CWC27: variants seen among roughly 807,000 people sequenced by gnomAD.
CWC27 encodes CWC27 spliceosome associated cyclophilin.
In CWC27, 47 loss-of-function variants were observed where a neutral mutation model predicts 63.6. That is an observed-to-expected ratio of 0.74 (90% CI 0.58 to 0.94). The LOEUF (loss-of-function observed/expected upper bound fraction) is 0.94. Ranked by LOEUF, CWC27 falls within the 40% of genes least tolerant of loss-of-function variation. The probability of loss-of-function intolerance (pLI) is 0.00; values close to 1 mark genes in which losing one functional copy is unlikely to be tolerated. For synonymous variants in CWC27, 175 were observed against 179.8 expected (o/e 0.97, Z 0.22); for missense variants, 495 against 554.3 (o/e 0.89, Z 1.07).
At chr5:64,939,808 C>G (rs1748434060) in intron 11 of CWC27, among the ~76,000 whole-genome samples, 1 of 147,316 alleles carries the variant, frequency 6.8e-6, no homozygotes, top group Non-Finnish European at 1.5e-5. Flanking sequence ...TTCAGAGATG[C>G]CTTGCCCAGA....
chr5:64,918,667 A>G (rs1747937787), intron 11 of CWC27, among the ~76,000 whole-genome samples: 1 of 152,226 alleles, frequency 6.6e-6, no homozygotes, highest in Non-Finnish European at 1.5e-5. Flanking sequence ...AAATTAAAAT[A>G]AGACCAGTTG....
At chr5:64,911,061 G>A (rs1747776486) in intron 11 of CWC27, among the ~76,000 whole-genome samples, 1 of 152,166 alleles carries the variant, frequency 6.6e-6, no homozygotes, top group Admixed American at 6.5e-5. Flanking sequence ...GCAGACCAGA[G>A]CTGTTCCTAT....
chr5:64,809,814 T>TA (rs1377847199), intron 10 of CWC27, among the ~76,000 whole-genome samples: 1 of 152,230 alleles, frequency 6.6e-6, no homozygotes, highest in Non-Finnish European at 1.5e-5. Flanking sequence ...ATCAGATGTA[T>TA]GATTTGCGAA....
At chr5:64,808,993 G>A (rs1438706838) in intron 10 of CWC27, among the ~76,000 whole-genome samples, 1 of 151,972 alleles carries the variant, frequency 6.6e-6, no homozygotes, top group African/African-American at 2.4e-5. Flanking sequence ...TAAGTATACA[G>A]CTAGCTGAAT....
At chr5:64,921,289 T>C in intron 11 of CWC27, among the ~76,000 whole-genome samples, 1 of 152,208 alleles carries the variant, frequency 6.6e-6, no homozygotes, top group Admixed American at 6.5e-5. Context: ...CTCTGTGATC[T>C]GAGAGTGTAG....
intron 11 of CWC27, among the ~76,000 whole-genome samples, chr5:64,903,179 A>G (rs1747546422): frequency 6.6e-6 from 1 of 152,200 alleles, no homozygotes; most frequent in South Asian, 2.1e-4. Context: ...TACGGGGTAT[A>G]TACCCAAAGG....
chr5:65,014,620 A>G (rs1056482114), intron 13 of CWC27, among the ~76,000 whole-genome samples: 16 of 152,114 alleles, frequency 1.1e-4, no homozygotes, highest in African/African-American at 3.4e-4. Context: ...TGGGACATAC[A>G]TGATTGTAAA....
chr5:64,933,597 ATTC>A, intron 11 of CWC27, among the ~76,000 whole-genome samples: 1 of 149,128 alleles, frequency 6.7e-6, no homozygotes, highest in Non-Finnish European at 1.5e-5. Context: ...GGTTCAAGCT[ATTC>A]TTCTGCCTCA....
intron 13 of CWC27, among the ~76,000 whole-genome samples, chr5:64,996,373 A>T (rs1337764060): frequency 6.6e-6 from 1 of 152,154 alleles, no homozygotes; most frequent in Non-Finnish European, 1.5e-5. Flanking sequence ...ATCAAGTTAA[A>T]TGTAATAGTA....
At chr5:64,888,481 A>G (rs1025310890) in intron 11 of CWC27, among the ~76,000 whole-genome samples, 7 of 147,268 alleles carry the variant, frequency 4.8e-5, no homozygotes, top group African/African-American at 1.7e-4. Context: ...TATATAATTT[A>G]CATTTAAATA....
intron 11 of CWC27, among the ~76,000 whole-genome samples, chr5:64,902,344 C>T (rs1158815959): frequency 6.6e-6 from 1 of 152,160 alleles, no homozygotes; most frequent in East Asian, 1.9e-4. Context: ...TCTTATGACA[C>T]CACCTTTGTG....
chr5:64,807,661 A>G (rs1334874039), intron 10 of CWC27: 13 of 1,535,864 alleles, frequency 8.5e-6, no homozygotes, highest in African/African-American at 2.7e-5. Flanking sequence ...ACACAGGCAT[A>G]TACAAGCTGG....
chr5:64,938,952 CCAT>C lies in CWC27; in HGVS notation c.1043-32748_1043-32746del, dbSNP rs202137030. On this transcript the variant is annotated intron_variant, in intron 11 of 13. Transcript: ENST00000381070. ...AGTTCTCGTGATGTGTTTTTCAGCT[CCAT>C]CAGGTCATTTAATGTCTTCTCTACA... is the stretch of plus-strand genomic sequence containing the variant. Among the ~76,000 whole-genome samples the C allele has an allele frequency of 5.4e-3, 828 of 152,192 alleles. 9 individuals carry two copies. The highest frequency in any genetic ancestry group is 0.019 in the African/African-American group (771 of 41,506).
In CWC27 at chr5:64,858,731, A is replaced by G. The variant is rs1247429868; in HGVS notation, c.939-26712A>G. On this transcript the variant is annotated intron_variant, in intron 10 of 13. Coordinates refer to ENST00000381070, the MANE Select transcript of CWC27 (RefSeq NM_005869.4). ...AACACTCACTAGATTGACATTTAAAAAAAAAATGAAAAAACCAGATGTTAG... is the reference window on the plus strand; with the variant it reads ...AACACTCACTAGATTGACATTTAAAGAAAAAATGAAAAAACCAGATGTTAG... Among the ~76,000 whole-genome samples the G allele has an allele frequency of 3.3e-5, 5 of 152,264 alleles. No homozygotes were observed. The East Asian group carries it at 9.6e-4, about 29-fold the overall frequency.
At chr5:64,866,214 G>T (rs1027017011) in intron 10 of CWC27, among the ~76,000 whole-genome samples, 6 of 152,000 alleles carry the variant, frequency 3.9e-5, no homozygotes, top group Admixed American at 3.9e-4. Context: ...GATATGATTT[G>T]AACGTATGAT....
intron 10 of CWC27, among the ~76,000 whole-genome samples, chr5:64,831,699 T>C (rs971336853): frequency 6.6e-6 from 1 of 151,936 alleles, no homozygotes; most frequent in African/African-American, 2.4e-5. Flanking sequence ...CCTGCTCATG[T>C]ACCCCTTGAA....
chr5:64,882,559 G>A (rs1746965687), intron 10 of CWC27, among the ~76,000 whole-genome samples: 1 of 152,144 alleles, frequency 6.6e-6, no homozygotes, highest in South Asian at 2.1e-4. Context: ...GATATATTAA[G>A]TATGTAAAAA....
chr5:64,788,431 A>G (rs1232338449), intron 6 of CWC27, among the ~76,000 whole-genome samples: 2 of 151,942 alleles, frequency 1.3e-5, no homozygotes, highest in African/African-American at 2.4e-5. Context: ...ATCAGAGGAG[A>G]CAAACCTAGT....
Position 64,959,357 on chromosome 5 carries a change from A to G in CWC27, c.1043-12346A>G, listed in dbSNP as rs189087152. On this transcript the variant is annotated intron_variant, in intron 11 of 13. Coordinates refer to ENST00000381070, the MANE Select transcript of CWC27 (RefSeq NM_005869.4). ...ATGAAAAAATGATAGTATAGAATAT[A>G]TTGCCTATAGGCTCTCATTTTATTG... Among the ~76,000 whole-genome samples, 57 of 152,284 alleles carry G rather than the reference A, an allele frequency of 3.7e-4. 1 individual carries two copies. Among genetic ancestry groups the G allele is most frequent in the Non-Finnish European group, 7.2e-4 (49 of 68,022 alleles).
Sources: gnomAD v4.1 joint callset for allele counts (sites outside exome capture counted in the v4.1 genomes callset) on GRCh38, gnomAD v4.1.1 for gene constraint, MANE v1.5 for transcripts, NCBI Gene and HGNC (gene_info 2026-07-23, HGNC 2026-07-21) for gene names.